RBFOX2: variants seen among roughly 807,000 people sequenced by gnomAD.
RBFOX2 encodes the protein RNA binding fox-1 homolog 2, also known as RNA binding protein fox-1 homolog 2.
In RBFOX2, 10 loss-of-function variants were observed where a neutral mutation model predicts 49.1. The ratio of observed to expected loss-of-function variants is 0.20; its 90% CI spans 0.13 to 0.35. RBFOX2 has a LOEUF of 0.35. Ranked by LOEUF, RBFOX2 falls within the 10% of genes least tolerant of loss-of-function variation. The pLI, the probability that RBFOX2 is intolerant of heterozygous loss-of-function variation, is 1.00. For synonymous variants in RBFOX2, 183 were observed against 187.4 expected (o/e 0.98, Z 0.19); for missense variants, 323 against 486.9 (o/e 0.66, Z 3.17).
intron 2 of RBFOX2, among the ~76,000 whole-genome samples, chr22:35,788,392 T>G (rs1946870148): frequency 6.6e-6 from 1 of 151,912 alleles, no homozygotes; most frequent in African/African-American, 2.4e-5. Context: ...TTTTTCCTCT[T>G]CCCCCCCGTC....
At chr22:35,858,757 C>T (rs1170920583) in intron 1 of RBFOX2, among the ~76,000 whole-genome samples, 3 of 142,654 alleles carry the variant, frequency 2.1e-5, no homozygotes, top group Admixed American at 1.5e-4. Context: ...ACCCGGGAGG[C>T]GGAGGTGGCA....
chr22:35,995,309 G>C (rs902943586), intron 1 of RBFOX2: 8 of 152,106 alleles, frequency 5.3e-5, no homozygotes, highest in African/African-American at 1.9e-4. Flanking sequence ...GAAATAAATG[G>C]GGAAAAACAC....
chr22:35,760,496 A>G (rs929516723), intron 8 of RBFOX2, among the ~76,000 whole-genome samples: 1 of 152,190 alleles, frequency 6.6e-6, no homozygotes, highest in Non-Finnish European at 1.5e-5. Context: ...ATATTTTTAC[A>G]TGGTACCAAC....
intron 1 of RBFOX2, among the ~76,000 whole-genome samples, chr22:36,020,317 C>T (rs1401669957): frequency 6.6e-6 from 1 of 152,124 alleles, no homozygotes; most frequent in Non-Finnish European, 1.5e-5. Flanking sequence ...CTAGGCAATA[C>T]CATTCAGGAC....
At chr22:35,954,354 G>A (rs1229399842) in intron 1 of RBFOX2, among the ~76,000 whole-genome samples, 4 of 152,194 alleles carry the variant, frequency 2.6e-5, no homozygotes, top group Non-Finnish European at 5.9e-5. Context: ...CACAACAACT[G>A]TCAAGCAGTA....
intron 1 of RBFOX2, among the ~76,000 whole-genome samples, chr22:35,825,002 A>G (rs1177149744): frequency 6.6e-6 from 1 of 152,026 alleles, no homozygotes; most frequent in Non-Finnish European, 1.5e-5. Flanking sequence ...GGTGGATCAC[A>G]TGAGGTCAGG....
chr22:35,841,201 C>T (rs1193553794), upstream of RBFOX2, among the ~76,000 whole-genome samples: 1 of 152,118 alleles, frequency 6.6e-6, no homozygotes, highest in Non-Finnish European at 1.5e-5. Context: ...GAAAATTCAC[C>T]TTTTGTTTTC....
At chr22:35,825,571 G>A (rs1161641546) in intron 1 of RBFOX2, among the ~76,000 whole-genome samples, 1 of 152,212 alleles carries the variant, frequency 6.6e-6, no homozygotes, top group Non-Finnish European at 1.5e-5. Context: ...TTTAGGCTCT[G>A]CAATGAATGT....
rs563672112 is a variant in RBFOX2, at chr22:35,981,342, T to A, written c.187-42445A>T. Among the ~76,000 whole-genome samples, 281 of 152,214 alleles carry A rather than the reference T, an allele frequency of 1.8e-3. 1 individual carries two copies. The highest frequency in any genetic ancestry group is 3.3e-3 in the Non-Finnish European group (223 of 68,008). ...TACTCAGCCCTTGGTATTTAATGCT[T>A]TCAAAAATCCAAACATTCAGCCAGG... On this transcript the variant is annotated intron_variant, in intron 1 of 13. Coordinates refer to the RBFOX2 transcript ENST00000438146.
chr22:35,814,710 CAAAAAAAAA>C (rs55971445), intron 1 of RBFOX2, among the ~76,000 whole-genome samples: 5 of 31,028 alleles, frequency 1.6e-4, no homozygotes, highest in Admixed American at 3.9e-4. Flanking sequence ...AACCCTGTCT[CAAAAAAAAA>C]AAAAAAAAAA....
At chr22:35,898,130 T>C in intron 1 of RBFOX2, 1 of 743,740 alleles carries the variant, frequency 1.3e-6, no homozygotes, top group East Asian at 2.6e-5. Flanking sequence ...CGAAGGTGCA[T>C]GATGTCACAT....
chr22:35,939,272 T>G, upstream of RBFOX2: 1 of 476,952 alleles, frequency 2.1e-6, no homozygotes, highest in Non-Finnish European at 4.1e-6. Flanking sequence ...TTAGCACCCC[T>G]AAACACTAGG....
At chr22:35,811,312 T>C (rs932876573) in intron 1 of RBFOX2, among the ~76,000 whole-genome samples, 19 of 152,174 alleles carry the variant, frequency 1.2e-4, no homozygotes, top group African/African-American at 4.6e-4. Context: ...GTCACTGTTT[T>C]TAAAGATAAG....
intron 1 of RBFOX2, among the ~76,000 whole-genome samples, chr22:35,900,298 A>T (rs2048411752): frequency 6.6e-6 from 1 of 151,854 alleles, no homozygotes; most frequent in Admixed American, 6.6e-5. Flanking sequence ...TTTTTAGTAG[A>T]GACAAGGTTT....
At chr22:35,928,981 C>T (rs983218314) in intron 1 of RBFOX2, among the ~76,000 whole-genome samples, 1 of 152,002 alleles carries the variant, frequency 6.6e-6, no homozygotes, top group African/African-American at 2.4e-5. Flanking sequence ...CATGAGGCCA[C>T]GTTGTCTCAA....
At chr22:35,860,615 G>A (rs772489389) in intron 1 of RBFOX2, among the ~76,000 whole-genome samples, 3 of 152,210 alleles carry the variant, frequency 2.0e-5, no homozygotes, top group Non-Finnish European at 2.9e-5. Flanking sequence ...AAATCAGGCT[G>A]TGTTAGTCCT....
rs12159040 is a variant in RBFOX2, at chr22:35,769,566, A to T, written c.454-1217T>A. 4.6e-5 allele frequency among the ~76,000 whole-genome samples: 7 copies of T among 152,128 alleles called. No homozygotes were observed. In the South Asian group the frequency reaches 8.3e-4, roughly 18 times the overall value. On this transcript the variant is annotated intron_variant, in intron 4 of 11. Transcript: ENST00000405409. The stretch of plus-strand genomic sequence containing the variant: ...TTTACAAATAATTTCCATGCTGCTT[A>T]TATCTGCAAAGTGGTAAAGTCTTAG...
upstream of RBFOX2, among the ~76,000 whole-genome samples, chr22:35,940,572 A>G (rs1210773931): frequency 6.6e-6 from 1 of 152,198 alleles, no homozygotes; most frequent in Non-Finnish European, 1.5e-5. Context: ...TGACCCAGCA[A>G]TTCCACACCT....
At chr22:35,781,495 A>C (rs1230624991) in intron 3 of RBFOX2, 105 bp downstream of exon 4, 2 of 1,397,686 alleles carry the variant, frequency 1.4e-6, no homozygotes, top group African/African-American at 2.9e-5. Flanking sequence ...AGGTTCTTTC[A>C]ATCTATTTGT....
Sources: gnomAD v4.1 joint callset for allele counts (sites outside exome capture counted in the v4.1 genomes callset) on GRCh38, gnomAD v4.1.1 for gene constraint, MANE v1.5 for transcripts, NCBI Gene and HGNC (gene_info 2026-07-23, HGNC 2026-07-21) for gene names.